Variants in SLAMF9 observed in about 807,000 individuals in gnomAD.
SLAMF9 encodes the protein CD2 family member 10.
SLAMF9 carries 25 observed loss-of-function variants against 30.4 expected under a neutral mutation model. The observed-to-expected ratio is 0.82, with a 90% confidence interval of 0.60 to 1.15. SLAMF9 has a LOEUF of 1.15. SLAMF9 is among the 50% of genes most tolerant of loss of function. The probability of loss-of-function intolerance (pLI) is 0.00; values close to 1 mark genes in which losing one functional copy is unlikely to be tolerated. For missense variants in SLAMF9, 344 were observed against 346.1 expected (o/e 0.99, Z 0.05); for synonymous variants, 129 against 127.2 (o/e 1.01, Z -0.09).
At chr1:159,972,666 C>T in the SLAMF9 span, 109,136 of 176,604 alleles carry the variant, frequency 0.62, 38,013 homozygotes, top group East Asian at 0.97. Flanking sequence ...AACAGCTCCA[C>T]CATGGGGAGC....
the SLAMF9 span, chr1:159,977,128 A>G: frequency 6.6e-6 from 1 of 152,218 alleles, no homozygotes; most frequent in Non-Finnish European, 1.5e-5. Flanking sequence ...TAGATGGACA[A>G]GTATAGCTAC....
At chr1:159,954,370 A>C, upstream of SLAMF9, 1 of 381,050 alleles carries the variant, frequency 2.6e-6, no homozygotes, top group East Asian at 4.4e-5. Context: ...ATGACAGTTT[A>C]CTCACTGACT....
the SLAMF9 span, among the ~76,000 whole-genome samples, chr1:159,968,147 T>C: frequency 2.6e-5 from 4 of 152,182 alleles, no homozygotes; most frequent in Non-Finnish European, 4.4e-5. Context: ...TGAAAACGAG[T>C]AGTGGAAGTG....
At chr1:159,961,892 C>T in the SLAMF9 span, among the ~76,000 whole-genome samples, 27 of 151,874 alleles carry the variant, frequency 1.8e-4, no homozygotes, top group Admixed American at 5.9e-4. Flanking sequence ...GGCGTGGCGG[C>T]TCATGCCTAT....
chr1:159,959,293 C>G, the SLAMF9 span, among the ~76,000 whole-genome samples: 1 of 152,026 alleles, frequency 6.6e-6, no homozygotes, highest in Non-Finnish European at 1.5e-5. Context: ...GGTTCCCTCT[C>G]TCTTACCCCT....
chr1:159,970,560 C>T, the SLAMF9 span, among the ~76,000 whole-genome samples: 1 of 152,184 alleles, frequency 6.6e-6, no homozygotes, highest in African/African-American at 2.4e-5. Flanking sequence ...CCTCCCATAG[C>T]CATGGATAGA....
chr1:159,973,156 A>G, the SLAMF9 span: 2 of 1,533,518 alleles, frequency 1.3e-6, no homozygotes, highest in East Asian at 2.3e-5. Context: ...TCCTTGTGGA[A>G]GGAGAAAAGG....
At chr1:159,953,246 C>T (rs1440366108) in intron 2 of SLAMF9, 63 bp downstream of exon 2, 1 of 1,398,346 alleles carries the variant, frequency 7.2e-7, no homozygotes, top group Non-Finnish European at 9.9e-7. Context: ...ACGCCCACTC[C>T]ATGGTGTGAG....
At chr1:159,973,095 C>T in the SLAMF9 span, 1 of 1,509,834 alleles carries the variant, frequency 6.6e-7, no homozygotes, top group Non-Finnish European at 8.9e-7. Context: ...CTCCTTGACT[C>T]CTGGGATGCA....
the SLAMF9 span, among the ~76,000 whole-genome samples, chr1:159,976,247 T>C: frequency 6.6e-6 from 1 of 152,300 alleles, no homozygotes; most frequent in African/African-American, 2.4e-5. Context: ...AAATAAATTA[T>C]GGTCCAGCCA....
the SLAMF9 span, chr1:159,972,987 G>A: frequency 6.7e-6 from 9 of 1,335,298 alleles, no homozygotes; most frequent in African/African-American, 6.1e-5. Flanking sequence ...CCACTCCCTC[G>A]CTCATTTACC....
the SLAMF9 span, among the ~76,000 whole-genome samples, chr1:159,971,928 C>A: frequency 6.6e-6 from 1 of 152,082 alleles, no homozygotes; most frequent in African/African-American, 2.4e-5. Context: ...CCCTTACCCC[C>A]GCCACCAAAA....
chr1:159,970,249 A>C, the SLAMF9 span, among the ~76,000 whole-genome samples: 1 of 152,202 alleles, frequency 6.6e-6, no homozygotes, highest in East Asian at 1.9e-4. Flanking sequence ...GATTAGAAAG[A>C]TAAAACCCAA....
chr1:159,982,600 C>T, the SLAMF9 span, among the ~76,000 whole-genome samples: 1 of 152,186 alleles, frequency 6.6e-6, no homozygotes, highest in East Asian at 1.9e-4. Context: ...AACTGTCCCA[C>T]AATTCTTTGT....
intron 1 of SLAMF9, 80 bp downstream of exon 1, chr1:159,954,012 C>G: frequency 6.4e-7 from 1 of 1,567,898 alleles, no homozygotes; most frequent in Non-Finnish European, 8.8e-7. Flanking sequence ...AAGAAAGGGT[C>G]TTACTGGCCC....
the SLAMF9 span, among the ~76,000 whole-genome samples, chr1:159,966,933 GTT>G: frequency 2.6e-5 from 4 of 151,690 alleles, no homozygotes; most frequent in African/African-American, 9.7e-5. Flanking sequence ...TGTTGTTTTT[GTT>G]TTTTTGTTTG....
the SLAMF9 span, among the ~76,000 whole-genome samples, chr1:159,961,796 C>T: frequency 7.2e-5 from 11 of 152,158 alleles, no homozygotes; most frequent in Admixed American, 7.2e-4. Flanking sequence ...GATGAGGCTA[C>T]AAAGACGGAC....
the SLAMF9 span, among the ~76,000 whole-genome samples, chr1:159,962,723 A>C: frequency 6.6e-6 from 1 of 152,212 alleles, no homozygotes; most frequent in African/African-American, 2.4e-5. Flanking sequence ...AGTGGAGTCA[A>C]AGTTATCTGC....
chr1:159,966,287 A>C, the SLAMF9 span, among the ~76,000 whole-genome samples: 791 of 152,332 alleles, frequency 5.2e-3, 5 homozygotes, highest in African/African-American at 0.018. Context: ...ACAGAATTTC[A>C]TTCTTTCTAA....
Sources: allele counts gnomAD v4.1 joint callset (sites outside exome capture counted in the v4.1 genomes callset), GRCh38; gene constraint gnomAD v4.1.1; transcripts MANE v1.5; gene names NCBI Gene and HGNC (gene_info 2026-07-23, HGNC 2026-07-21).